The following SLC35D4 variants were observed in gnomAD, a reference collection of about 807,000 sequenced individuals.
The protein encoded by SLC35D4 is UDP-N-acetylglucosamine transporter SLC35D4.
At chr18:23,329,346 A>C in the SLC35D4 span, among the ~76,000 whole-genome samples, 5 of 152,354 alleles carry the variant, frequency 3.3e-5, no homozygotes, top group East Asian at 9.6e-4. Flanking sequence ...CAAAGAACTC[A>C]AACAAATTTA....
chr18:23,252,109 G>A, the SLC35D4 span, among the ~76,000 whole-genome samples: 2 of 151,426 alleles, frequency 1.3e-5, no homozygotes, highest in African/African-American at 2.4e-5. Flanking sequence ...AAGACTCCAT[G>A]CTAAATAAAA....
At chr18:23,343,960 G>A in the SLC35D4 span, among the ~76,000 whole-genome samples, 1 of 150,642 alleles carries the variant, frequency 6.6e-6, no homozygotes, top group Non-Finnish European at 1.5e-5. Context: ...GTGCAATGGC[G>A]CTATCTCAGC....
the SLC35D4 span, among the ~76,000 whole-genome samples, chr18:23,418,236 T>C: frequency 1.3e-5 from 2 of 152,046 alleles, no homozygotes; most frequent in Non-Finnish European, 2.9e-5. Flanking sequence ...TGGATTATGA[T>C]ATAACATGGT....
chr18:23,410,456 C>T, the SLC35D4 span, among the ~76,000 whole-genome samples: 22 of 142,702 alleles, frequency 1.5e-4, no homozygotes, highest in Non-Finnish European at 3.0e-4. Flanking sequence ...CCAGCCTGGG[C>T]AAAAGAGCGA....
chr18:23,365,791 C>T, the SLC35D4 span: 1 of 1,076,754 alleles, frequency 9.3e-7, no homozygotes, highest in Non-Finnish European at 1.4e-6. Flanking sequence ...CACTGACTCA[C>T]TCTGCCTAAA....
the SLC35D4 span, chr18:23,430,635 G>A: frequency 5.0e-6 from 8 of 1,609,918 alleles, no homozygotes; most frequent in Non-Finnish European, 6.8e-6. Flanking sequence ...ACTCACCCTT[G>A]GAATAATGTA....
At chr18:23,419,108 G>A in the SLC35D4 span, among the ~76,000 whole-genome samples, 1 of 152,142 alleles carries the variant, frequency 6.6e-6, no homozygotes, top group South Asian at 2.1e-4. Context: ...TGCTCATTCA[G>A]CTGGGATGTT....
At chr18:23,263,438 C>A in the SLC35D4 span, among the ~76,000 whole-genome samples, 1 of 152,206 alleles carries the variant, frequency 6.6e-6, no homozygotes, top group Non-Finnish European at 1.5e-5. Flanking sequence ...TGATGTGGGG[C>A]CCACGTCTGA....
At chr18:23,377,014 A>G in the SLC35D4 span, 1 of 454,724 alleles carries the variant, frequency 2.2e-6, no homozygotes, top group South Asian at 1.6e-5. Flanking sequence ...GAAATCCTAA[A>G]TCCATCTATC....
At chr18:23,414,330 G>GC in the SLC35D4 span, among the ~76,000 whole-genome samples, 2 of 149,030 alleles carry the variant, frequency 1.3e-5, no homozygotes, top group African/African-American at 2.5e-5. Flanking sequence ...AGGAAGGAAG[G>GC]AAGGCAGGCA....
the SLC35D4 span, among the ~76,000 whole-genome samples, chr18:23,351,024 T>C: frequency 4.6e-5 from 7 of 152,230 alleles, no homozygotes; most frequent in Admixed American, 2.0e-4. Context: ...AGAGGTTTCA[T>C]CAACCTCCTC....
the SLC35D4 span, among the ~76,000 whole-genome samples, chr18:23,244,623 G>A: frequency 6.6e-6 from 1 of 152,226 alleles, no homozygotes; most frequent in Non-Finnish European, 1.5e-5. Context: ...CCAGTGCCCA[G>A]CTGAGCCCGA....
At chr18:23,298,081 CAGA>C in the SLC35D4 span, 323 of 1,613,602 alleles carry the variant, frequency 2.0e-4, no homozygotes, top group Non-Finnish European at 2.6e-4. Flanking sequence ...CAAACAACAG[CAGA>C]AGGTCAGCTC....
chr18:23,286,050 T>C, the SLC35D4 span, among the ~76,000 whole-genome samples: 2 of 152,166 alleles, frequency 1.3e-5, no homozygotes, highest in Admixed American at 1.3e-4. Context: ...CAATATACAT[T>C]TTATTACCCA....
chr18:23,399,562 T>A, the SLC35D4 span: 2 of 1,613,660 alleles, frequency 1.2e-6, no homozygotes, highest in Non-Finnish European at 1.7e-6. Flanking sequence ...CCTCTAATAC[T>A]TACCAGTCTG....
At chr18:23,377,361 C>A in the SLC35D4 span, among the ~76,000 whole-genome samples, 1 of 152,182 alleles carries the variant, frequency 6.6e-6, no homozygotes, top group African/African-American at 2.4e-5. Context: ...TTTTCATTTT[C>A]ATTCTCCATC....
the SLC35D4 span, chr18:23,430,731 A>G: frequency 6.8e-7 from 1 of 1,479,378 alleles, no homozygotes; most frequent in Non-Finnish European, 9.4e-7. Context: ...AAACTGACAA[A>G]CCATATAATC....
chr18:23,437,095 C>T, the SLC35D4 span, among the ~76,000 whole-genome samples: 1 of 152,174 alleles, frequency 6.6e-6, no homozygotes, highest in African/African-American at 2.4e-5. Context: ...CTATTGGATC[C>T]AACCTTTCCC....
chr18:23,264,911 C>G, the SLC35D4 span, among the ~76,000 whole-genome samples: 1 of 152,018 alleles, frequency 6.6e-6, no homozygotes, highest in African/African-American at 2.4e-5. Flanking sequence ...ACCCAAATTA[C>G]CGGGATTACA....
Sources: allele counts gnomAD v4.1 joint callset (sites outside exome capture counted in the v4.1 genomes callset), GRCh38; gene constraint gnomAD v4.1.1; transcripts MANE v1.5; gene names NCBI Gene and HGNC (gene_info 2026-07-23, HGNC 2026-07-21).